Variants in DLG2 observed in about 807,000 individuals in gnomAD.
The protein encoded by DLG2 is disks large homolog 2.
DLG2 carries 45 observed loss-of-function variants against 132.5 expected under a neutral mutation model. The observed-to-expected ratio is 0.34, with a 90% CI of 0.27 to 0.44. DLG2 has a LOEUF of 0.44. Among genes scored for constraint, DLG2 ranks in the 20% least tolerant of loss-of-function variants. The probability of loss-of-function intolerance (pLI) is 1.00; values close to 1 mark genes in which losing one functional copy is unlikely to be tolerated. For missense variants in DLG2, 1,045 were observed against 1,196.9 expected (o/e 0.87, Z 1.87); for synonymous variants, 424 against 419.6 (o/e 1.01, Z -0.13).
chr11:83,461,927 C>T (rs761684608), intron 27 of DLG2, 75 bp downstream of exon 27: 2 of 1,005,380 alleles, frequency 2.0e-6, no homozygotes, highest in African/African-American at 1.6e-5. Flanking sequence ...GTACACCAGG[C>T]CCAGAACCCT....
At chr11:85,191,605 G>A (rs1026117991) in intron 4 of DLG2, among the ~76,000 whole-genome samples, 2 of 152,250 alleles carry the variant, frequency 1.3e-5, no homozygotes, top group Admixed American at 6.5e-5. Context: ...AATATTACAG[G>A]GAACCTTTGG....
chr11:83,875,361 A>G (rs2064494578), intron 15 of DLG2, among the ~76,000 whole-genome samples: 1 of 152,202 alleles, frequency 6.6e-6, no homozygotes, highest in African/African-American at 2.4e-5. Context: ...TCATAAATGT[A>G]TGAGGTATGT....
At chr11:83,651,030 A>G (rs1328200085) in intron 18 of DLG2, among the ~76,000 whole-genome samples, 1 of 152,130 alleles carries the variant, frequency 6.6e-6, no homozygotes, top group Non-Finnish European at 1.5e-5. Context: ...TACCTCATAT[A>G]TATATTCATT....
chr11:85,210,992 G>T (rs1197097522), intron 4 of DLG2, among the ~76,000 whole-genome samples: 1 of 151,736 alleles, frequency 6.6e-6, no homozygotes, highest in Non-Finnish European at 1.5e-5. Context: ...TTCTGTCTTG[G>T]TGTTTGCTTC....
intron 6 of DLG2, among the ~76,000 whole-genome samples, chr11:85,017,921 A>C (rs763704178): frequency 6.6e-6 from 1 of 151,474 alleles, no homozygotes; most frequent in Non-Finnish European, 1.5e-5. Context: ...TTATCTCTTA[A>C]AGTGAAGAAA....
chr11:84,201,888 G>C (rs912008538), intron 8 of DLG2, among the ~76,000 whole-genome samples: 1 of 123,582 alleles, frequency 8.1e-6, no homozygotes. Context: ...GTGGGGTTTC[G>C]GCTCACTGCA....
intron 3 of DLG2, among the ~76,000 whole-genome samples, chr11:85,461,486 A>T (rs2092611126): frequency 6.6e-6 from 1 of 152,252 alleles, no homozygotes; most frequent in African/African-American, 2.4e-5. Context: ...TTTGAGTCTG[A>T]CTATGCTGCC....
At chr11:83,537,398 T>C (rs1216528576) in intron 20 of DLG2, among the ~76,000 whole-genome samples, 1 of 152,164 alleles carries the variant, frequency 6.6e-6, no homozygotes, top group South Asian at 2.1e-4. Flanking sequence ...CCCACATTAG[T>C]GGCCACAGGC....
Position 83,791,075 on chromosome 11 carries a change from C to G in DLG2, c.1723-4283G>C, listed in dbSNP as rs1168801874. 1.0e-5 allele frequency: 7 copies of G among 697,840 alleles called. No homozygotes were observed. In the South Asian group the frequency reaches 1.1e-4, roughly 11 times the overall value. The allele number at this position is 697,840 out of a possible 1,614,324, so 43.2% of individuals were successfully genotyped here. A position where few individuals can be genotyped will look rare whatever the true frequency, so the allele number is the denominator to read the frequency against. ...CGTGGAAATCCTTTCGGACGCCATTCAGGGGTGGACTCGGACTGGAAGAGT... is the reference window on the plus strand; with the variant it reads ...CGTGGAAATCCTTTCGGACGCCATTGAGGGGTGGACTCGGACTGGAAGAGT... On this transcript the variant is annotated intron_variant, in intron 17 of 27. Coordinates refer to ENST00000376104, the MANE Select transcript of DLG2 (RefSeq NM_001142699.3).
rs1043747712 is a variant in DLG2, at chr11:85,158,858, T to C, written c.187-4207A>G. Among the ~76,000 whole-genome samples, 11 of 152,162 alleles carry C rather than the reference T, an allele frequency of 7.2e-5. 1 individual carries two copies. The highest frequency in any genetic ancestry group is 5.9e-5 in the Non-Finnish European group (4 of 68,030). Reference sequence around the variant, plus strand: ...GCCTACTGCATTCATACTTAATGTATACAAGCAGAAAACTTCTAGGTCAAA... The same window carrying C: ...GCCTACTGCATTCATACTTAATGTACACAAGCAGAAAACTTCTAGGTCAAA... On this transcript the variant is annotated intron_variant, in intron 4 of 27. Transcript: ENST00000376104.
intron 6 of DLG2, among the ~76,000 whole-genome samples, chr11:85,045,859 G>A (rs866648095): frequency 5.3e-5 from 8 of 152,040 alleles, no homozygotes; most frequent in South Asian, 2.1e-4. Flanking sequence ...CTTCTCTAGC[G>A]ATGTCTGTTA....
intron 4 of DLG2, among the ~76,000 whole-genome samples, chr11:85,200,114 C>T (rs982520565): frequency 6.6e-6 from 1 of 152,072 alleles, no homozygotes; most frequent in African/African-American, 2.4e-5. Flanking sequence ...GTAAACCCCC[C>T]CATGGAGCCC....
chr11:84,639,966 T>G (rs1299927385), intron 6 of DLG2: 1 of 200,032 alleles, frequency 5.0e-6, no homozygotes, highest in Non-Finnish European at 1.0e-5. Context: ...AATTTTTGCT[T>G]CACTCTTTGC....
chr11:84,015,717 GT>G (rs1300831759), intron 11 of DLG2, among the ~76,000 whole-genome samples: 1 of 151,994 alleles, frequency 6.6e-6, no homozygotes, highest in Non-Finnish European at 1.5e-5. Context: ...ACATGACCTC[GT>G]TCCTCTTTAT....
intron 18 of DLG2, among the ~76,000 whole-genome samples, chr11:83,681,495 C>T (rs974414843): frequency 8.5e-5 from 13 of 152,158 alleles, no homozygotes; most frequent in Admixed American, 2.0e-4. Context: ...CCTGCGGGTA[C>T]GTCGTACAGC....
At chr11:85,499,240 G>T (rs567306820) in intron 3 of DLG2, among the ~76,000 whole-genome samples, 6 of 151,424 alleles carry the variant, frequency 4.0e-5, no homozygotes, top group Non-Finnish European at 5.9e-5. Context: ...TCAAATAGAC[G>T]CAATAAAAAA....
At chr11:85,113,724 C>T (rs1594386451) in intron 5 of DLG2, among the ~76,000 whole-genome samples, 1 of 152,096 alleles carries the variant, frequency 6.6e-6, no homozygotes, top group East Asian at 1.9e-4. Flanking sequence ...CTTTTCTCAT[C>T]TGTAAAATGA....
intron 6 of DLG2, among the ~76,000 whole-genome samples, chr11:84,879,027 G>T (rs2086864613): frequency 2.0e-5 from 3 of 152,120 alleles, no homozygotes; most frequent in Admixed American, 2.0e-4. Flanking sequence ...ATCAGCAGGG[G>T]TGTAGAGCTT....
intron 8 of DLG2, among the ~76,000 whole-genome samples, chr11:84,220,635 A>T (rs1484741658): frequency 6.6e-6 from 1 of 152,164 alleles, no homozygotes; most frequent in Non-Finnish European, 1.5e-5. Flanking sequence ...AAGGTTTCCT[A>T]ATGAAAGAGA....
Sources: gnomAD v4.1 joint callset for allele counts (sites outside exome capture counted in the v4.1 genomes callset) on GRCh38, gnomAD v4.1.1 for gene constraint, MANE v1.5 for transcripts, NCBI Gene and HGNC (gene_info 2026-07-23, HGNC 2026-07-21) for gene names.